Variants in DCBLD2 observed in about 807,000 individuals in gnomAD.
DCBLD2 encodes the protein discoidin, CUB and LCCL domain containing 2, also known as discoidin, CUB and LCCL domain-containing protein 2.
In DCBLD2, 54 loss-of-function variants were observed where a neutral mutation model predicts 86.8. The observed-to-expected ratio is 0.62, with a 90% CI of 0.50 to 0.78. The LOEUF is 0.78. Among genes scored for constraint, DCBLD2 ranks in the 30% least tolerant of loss-of-function variants. DCBLD2 has a pLI of 0.00. For synonymous variants in DCBLD2, 354 were observed against 341.3 expected (o/e 1.04, Z -0.41); for missense variants, 908 against 954.2 (o/e 0.95, Z 0.64).
intron 3 of DCBLD2, among the ~76,000 whole-genome samples, chr3:98,825,890 T>G (rs1402285827): frequency 6.6e-6 from 1 of 152,040 alleles, no homozygotes; most frequent in Non-Finnish European, 1.5e-5. Context: ...GAGACAGGAC[T>G]GGTGCATCAG....
At chr3:98,829,971 AT>A (rs1942291359) in intron 3 of DCBLD2, among the ~76,000 whole-genome samples, 1 of 151,958 alleles carries the variant, frequency 6.6e-6, no homozygotes, top group Non-Finnish European at 1.5e-5. Context: ...TATGGTTTTG[AT>A]TTGTATTTCT....
At chr3:98,856,152 CCTTTTAATATTCA>C (rs1942927232) in intron 2 of DCBLD2, among the ~76,000 whole-genome samples, 1 of 152,102 alleles carries the variant, frequency 6.6e-6, no homozygotes, top group Non-Finnish European at 1.5e-5. Flanking sequence ...GATGTCAAAA[CCTTTTAATATTCA>C]CTTAAAAGGC....
chr3:98,893,112 A>AG (rs1199953768), intron 1 of DCBLD2, among the ~76,000 whole-genome samples: 3 of 152,196 alleles, frequency 2.0e-5, no homozygotes, highest in African/African-American at 7.2e-5. Context: ...AGTGAGTCTT[A>AG]GTGGAACGGA....
chr3:98,837,522 C>A (rs186497275), intron 3 of DCBLD2, among the ~76,000 whole-genome samples: 6 of 22,930 alleles, frequency 2.6e-4, no homozygotes, highest in African/African-American at 7.9e-4. Flanking sequence ...GGGGGCCGAC[C>A]CCCCCACCTC....
chr3:98,796,720 A>G lies in DCBLD2; in HGVS notation c.*2652T>C, dbSNP rs1387225555. 1 of 152,642 alleles carries G rather than the reference A, an allele frequency of 6.6e-6. No individual in the cohort carries two copies. Among genetic ancestry groups the G allele is most frequent in the Non-Finnish European group, 1.5e-5 (1 of 68,046 alleles). 9.5% of individuals were successfully genotyped at this position (152,642 alleles called of 1,614,324 possible). A position where few individuals can be genotyped will look rare whatever the true frequency, so the allele number is the denominator to read the frequency against. ...ATCACATCCAACAGGATCTATTTAG[A>G]TTTACAGCATTTAATAAAGTATAAG... On this transcript the variant is annotated 3_prime_UTR_variant, in exon 16 of 16. Coordinates refer to ENST00000326840, the MANE Select transcript of DCBLD2 (RefSeq NM_080927.4).
intron 9 of DCBLD2, 165 bp from the exon 10 acceptor site, chr3:98,812,647 A>G (rs1474342364): frequency 5.6e-6 from 3 of 533,880 alleles, no homozygotes; most frequent in Non-Finnish European, 9.4e-6. Context: ...TTGGAAAAAT[A>G]TTAAGATGCT....
chr3:98,810,468 T>A (rs1015256715), intron 12 of DCBLD2, among the ~76,000 whole-genome samples: 44 of 152,320 alleles, frequency 2.9e-4, no homozygotes, highest in African/African-American at 1.0e-3. Context: ...GATGAACGGC[T>A]TTCTCTCTCT....
chr3:98,799,316 T>TAAA lies in DCBLD2; in HGVS notation c.*53_*55dup, dbSNP rs62821060. 1.3e-3 allele frequency: 1,497 copies of TAAA among 1,113,310 alleles called. No homozygotes were observed. The highest frequency in any genetic ancestry group is 2.2e-3 in the Middle Eastern group (10 of 4,588). The allele number at this position is 1,113,310 out of a possible 1,614,324, so 69.0% of individuals were successfully genotyped here. On this transcript the variant is annotated 3_prime_UTR_variant, in exon 16 of 16. Transcript: ENST00000326840. ...TCTATATATTACTACCACTAATAAT[T>TAAA]AAAAAAAAAAGGCCATGTGCTTTAA... is the stretch of plus-strand genomic sequence containing the variant.
At chr3:98,870,537 G>A (rs1943241461) in intron 2 of DCBLD2, among the ~76,000 whole-genome samples, 1 of 151,370 alleles carries the variant, frequency 6.6e-6, no homozygotes, top group African/African-American at 2.4e-5. Flanking sequence ...GGAGGCTAAG[G>A]CAGGAGGCTG....
intron 12 of DCBLD2, among the ~76,000 whole-genome samples, chr3:98,810,134 G>A (rs958563302): frequency 2.0e-5 from 3 of 152,170 alleles, no homozygotes; most frequent in Non-Finnish European, 4.4e-5. Flanking sequence ...TTAGCCTTGA[G>A]GGTCTGAGAT....
At chr3:98,842,289 C>A (rs1942636254) in intron 3 of DCBLD2, among the ~76,000 whole-genome samples, 1 of 152,152 alleles carries the variant, frequency 6.6e-6, no homozygotes, top group Non-Finnish European at 1.5e-5. Context: ...TGAACAGCTA[C>A]TCTGTTCAAG....
Position 98,801,541 on chromosome 3 carries a change from C to T in DCBLD2, c.1720+59G>A. On this transcript the variant is annotated intron_variant, in intron 14 of 15. Coordinates refer to ENST00000326840, the MANE Select transcript of DCBLD2 (RefSeq NM_080927.4). ...GAATGACTCTTTTTTCACTACTGCC[C>T]CCTGTAGGGGAGCGACATCCCTCTG... 5 of 1,404,220 alleles carry T rather than the reference C, an allele frequency of 3.6e-6. No homozygotes were observed. The South Asian group carries it at 5.1e-5, about 14-fold the overall frequency. 87.0% of individuals were successfully genotyped at this position (1,404,220 alleles called of 1,614,324 possible).
chr3:98,839,479 T>C (rs1476534880), intron 3 of DCBLD2, among the ~76,000 whole-genome samples: 1 of 152,200 alleles, frequency 6.6e-6, no homozygotes, highest in Non-Finnish European at 1.5e-5. Context: ...GTATGGTGTG[T>C]GAATTATAAC....
chr3:98,867,922 C>A (rs1013824067), intron 2 of DCBLD2, among the ~76,000 whole-genome samples: 6 of 151,998 alleles, frequency 3.9e-5, no homozygotes, highest in Non-Finnish European at 8.8e-5. Flanking sequence ...CCTGCCTCAG[C>A]CTCCTGCATA....
intron 1 of DCBLD2, among the ~76,000 whole-genome samples, chr3:98,899,469 C>G (rs925460890): frequency 5.3e-5 from 8 of 152,018 alleles, no homozygotes; most frequent in Non-Finnish European, 1.0e-4. Flanking sequence ...TCAGGATGGT[C>G]TCGATCTCCT....
At chr3:98,880,054 T>C (rs778677529) in intron 2 of DCBLD2, among the ~76,000 whole-genome samples, 1 of 152,244 alleles carries the variant, frequency 6.6e-6, no homozygotes, top group Non-Finnish European at 1.5e-5. Context: ...CCTCAGGCGA[T>C]TTGTGTTCCT....
intron 14 of DCBLD2, 48 bp from the exon 15 acceptor site, chr3:98,800,764 T>C (rs759542355): frequency 9.3e-6 from 15 of 1,612,278 alleles, no homozygotes; most frequent in African/African-American, 1.3e-5. Context: ...AAAACCTGTA[T>C]CTCAAACAGT....
rs140234415 is a variant in DCBLD2, at chr3:98,858,520, G to T, written c.434-8922C>A. On this transcript the variant is annotated intron_variant, in intron 2 of 15. Transcript: ENST00000326840. Reference sequence around the variant, plus strand: ...TTAAAAATAAATACACAAAGCAATGGAACAAATATTAACATTAAAAAATAG... The same window carrying T: ...TTAAAAATAAATACACAAAGCAATGTAACAAATATTAACATTAAAAAATAG... Among the ~76,000 whole-genome samples, 71 of 152,324 alleles carry T rather than the reference G, an allele frequency of 4.7e-4. No individual in the cohort carries two copies. The East Asian group carries it at 0.012, about 26-fold the overall frequency.
At chr3:98,861,261 C>T (rs1263636001) in intron 2 of DCBLD2, among the ~76,000 whole-genome samples, 1 of 151,958 alleles carries the variant, frequency 6.6e-6, no homozygotes, top group Non-Finnish European at 1.5e-5. Flanking sequence ...CTTAGACTCC[C>T]ACACAATAAT....
Sources: allele counts gnomAD v4.1 joint callset (sites outside exome capture counted in the v4.1 genomes callset), GRCh38; gene constraint gnomAD v4.1.1; transcripts MANE v1.5; gene names NCBI Gene and HGNC (gene_info 2026-07-23, HGNC 2026-07-21).